The following TRPM3 variants were observed in gnomAD, a reference collection of about 807,000 sequenced individuals.
TRPM3 encodes long transient receptor potential channel 3.
In TRPM3, 77 loss-of-function variants were observed where a neutral mutation model predicts 181.2. The ratio of observed to expected loss-of-function variants is 0.42; its 90% CI spans 0.35 to 0.51. The LOEUF (loss-of-function observed/expected upper bound fraction) is 0.51. TRPM3 is among the 20% of genes least tolerant of loss of function. TRPM3 has a pLI of 0.01. For missense variants in TRPM3, 1,759 were observed against 2,196.7 expected (o/e 0.80, Z 3.98); for synonymous variants, 745 against 796.4 (o/e 0.94, Z 1.09).
intron 1 of TRPM3, among the ~76,000 whole-genome samples, chr9:71,247,353 C>CAAAAAAAA (rs34584730): frequency 3.6e-5 from 3 of 82,336 alleles, no homozygotes; most frequent in Admixed American, 1.5e-4. Context: ...GACTCTGTCT[C>CAAAAAAAA]AAAAAAAAAA....
chr9:70,788,194 G>A (rs1440461519), intron 6 of TRPM3, among the ~76,000 whole-genome samples: 4 of 120,252 alleles, frequency 3.3e-5, no homozygotes. Context: ...CCCAGAGTGT[G>A]ATGTTCCCCT....
intron 1 of TRPM3, among the ~76,000 whole-genome samples, chr9:71,327,518 T>C (rs1403254464): frequency 3.3e-5 from 5 of 152,120 alleles, no homozygotes; most frequent in Admixed American, 2.6e-4. Context: ...ACCAAGGAGA[T>C]ACAAAATATG....
chr9:71,327,686 A>C (rs1462868087), intron 1 of TRPM3, among the ~76,000 whole-genome samples: 1 of 152,230 alleles, frequency 6.6e-6, no homozygotes, highest in Non-Finnish European at 1.5e-5. Flanking sequence ...ACACTGTTCA[A>C]AAGAAGTTTC....
intron 1 of TRPM3, among the ~76,000 whole-genome samples, chr9:71,096,590 A>ACACACCCTCTCTCTCTCTCT (rs1452142664): frequency 1.1e-5 from 1 of 89,998 alleles, no homozygotes; most frequent in African/African-American, 5.2e-5. Context: ...ACACACACAC[A>ACACACCCTCTCTCTCTCTCT]CTCTCTCTCT....
At chr9:70,929,839 G>C (rs1381684319) in intron 1 of TRPM3, among the ~76,000 whole-genome samples, 1 of 152,030 alleles carries the variant, frequency 6.6e-6, no homozygotes, top group Admixed American at 6.6e-5. Context: ...CCTTACCCCT[G>C]CCTCTATTCC....
At chr9:71,035,034 G>T (rs559919580) in intron 1 of TRPM3, among the ~76,000 whole-genome samples, 1 of 152,126 alleles carries the variant, frequency 6.6e-6, no homozygotes, top group African/African-American at 2.4e-5. Context: ...GCGGCAATTT[G>T]TAACTAATCC....
At chr9:70,884,642 G>A (rs567368688) in intron 1 of TRPM3, among the ~76,000 whole-genome samples, 1 of 152,316 alleles carries the variant, frequency 6.6e-6, no homozygotes, top group East Asian at 1.9e-4. Flanking sequence ...TCTGTATACA[G>A]CTATGCCTTT....
chr9:70,681,448 G>C, intron 9 of TRPM3, 58 bp downstream of exon 9: 1 of 1,394,104 alleles, frequency 7.2e-7, no homozygotes, highest in South Asian at 1.2e-5. Context: ...GAGACATAAG[G>C]TCACTGTATT....
chr9:70,769,273 G>C (rs2079749793), intron 7 of TRPM3, among the ~76,000 whole-genome samples: 1 of 152,022 alleles, frequency 6.6e-6, no homozygotes, highest in African/African-American at 2.4e-5. Context: ...AATCTCCCAA[G>C]CCCACCAGAC....
chr9:70,547,068 G>A (rs1385840639), intron 25 of TRPM3, among the ~76,000 whole-genome samples: 1 of 152,182 alleles, frequency 6.6e-6, no homozygotes, highest in Non-Finnish European at 1.5e-5. Context: ...TTTTAGGGCA[G>A]TGGCAGGAGG....
intron 1 of TRPM3, among the ~76,000 whole-genome samples, chr9:70,974,005 C>T (rs1460413962): frequency 2.6e-5 from 4 of 152,084 alleles, no homozygotes; most frequent in Non-Finnish European, 5.9e-5. Context: ...TATATGTATG[C>T]ACTACATAAA....
chr9:70,658,421 T>G (rs1010936800), intron 9 of TRPM3, among the ~76,000 whole-genome samples: 1 of 152,170 alleles, frequency 6.6e-6, no homozygotes, highest in African/African-American at 2.4e-5. Context: ...TTTGGCTTAT[T>G]TGGTATAAAA....
intron 1 of TRPM3, among the ~76,000 whole-genome samples, chr9:71,194,740 C>T (rs1252639690): frequency 6.6e-6 from 1 of 151,800 alleles, no homozygotes; most frequent in Non-Finnish European, 1.5e-5. Flanking sequence ...CCATAAACAA[C>T]TGGTTCCACT....
At chr9:71,446,189 G>A (rs944484535) in intron 1 of TRPM3, among the ~76,000 whole-genome samples, 5 of 152,142 alleles carry the variant, frequency 3.3e-5, no homozygotes, top group African/African-American at 9.7e-5. Context: ...CCATTAAAAT[G>A]GTGGGGGTGT....
At chr9:71,305,686 T>C (rs2087228952) in intron 1 of TRPM3, among the ~76,000 whole-genome samples, 1 of 152,174 alleles carries the variant, frequency 6.6e-6, no homozygotes, top group Non-Finnish European at 1.5e-5. Flanking sequence ...TTTTAGTCTG[T>C]AAGCAAAGAT....
At chr9:71,156,815 A>G (rs536906890) in intron 1 of TRPM3, among the ~76,000 whole-genome samples, 5 of 152,244 alleles carry the variant, frequency 3.3e-5, no homozygotes, top group Admixed American at 2.0e-4. Flanking sequence ...AGAATATTCA[A>G]TGTCACTAAG....
chr9:70,651,622 G>A (rs372347006), intron 9 of TRPM3, among the ~76,000 whole-genome samples: 5 of 152,112 alleles, frequency 3.3e-5, no homozygotes, highest in South Asian at 2.1e-4. Flanking sequence ...TTCTGTTGGC[G>A]CTTTGTGAGG....
intron 1 of TRPM3, among the ~76,000 whole-genome samples, chr9:71,014,681 A>T (rs755747500): frequency 1.8e-4 from 28 of 152,212 alleles, no homozygotes; most frequent in Middle Eastern, 3.4e-3. Context: ...TATGGCTTGG[A>T]ATTGCCTAGT....
rs551963077 is a variant in TRPM3 at position 71,162,019 on chromosome 9, T to C, written c.183+284634A>G. The stretch of plus-strand genomic sequence containing the variant: ...GAGTTCGAGACCAGCCTGGCCAACA[T>C]GGTGAAACCCCGTCTCTACTAAAAT... On this transcript the variant is annotated intron_variant, in intron 1 of 24. Coordinates refer to the TRPM3 transcript ENST00000357533. 2.8e-4 allele frequency among the ~76,000 whole-genome samples: 43 copies of C among 151,874 alleles called. No individual in the cohort carries two copies. In the East Asian group the frequency reaches 6.8e-3, roughly 24 times the overall value.
Sources: allele counts gnomAD v4.1 joint callset (sites outside exome capture counted in the v4.1 genomes callset), GRCh38; gene constraint gnomAD v4.1.1; transcripts MANE v1.5; gene names NCBI Gene and HGNC (gene_info 2026-07-23, HGNC 2026-07-21).